Variants in DPH6 observed in about 807,000 individuals in gnomAD.
DPH6 encodes the protein diphthamine biosynthesis 6.
Under a neutral mutation model 38.2 loss-of-function variants are expected in DPH6, and 33 were observed. That is an observed-to-expected ratio of 0.86 (90% confidence interval 0.65 to 1.15). DPH6 has a LOEUF of 1.15. Among genes scored for constraint, DPH6 ranks in the 50% most tolerant of loss-of-function variants. The pLI, the probability that DPH6 is intolerant of heterozygous loss-of-function variation, is 0.00. For missense variants in DPH6, 325 were observed against 320.0 expected, an observed-to-expected ratio of 1.02 and a Z score of -0.12; for synonymous variants, 108 against 103.0, an observed-to-expected ratio of 1.05 and a Z score of -0.30.
intron 5 of DPH6, among the ~76,000 whole-genome samples, chr15:35,424,481 T>C (rs1023958709): frequency 1.3e-5 from 2 of 151,526 alleles, no homozygotes; most frequent in Non-Finnish European, 3.0e-5. Context: ...CTTTTCAATA[T>C]GTATGATATT....
At chr15:35,290,735 C>T (rs2051974726) in intron 3 of DPH6, among the ~76,000 whole-genome samples, 1 of 152,066 alleles carries the variant, frequency 6.6e-6, no homozygotes, top group South Asian at 2.1e-4. Flanking sequence ...CTTAAAGCAT[C>T]CGCCCTTTGT....
At position 35,240,756 on chromosome 15, in the gene DPH6, T is replaced by C. The variant is rs1380534461; in HGVS notation, n.201-20174A>G. On this transcript the variant is annotated intron_variant and non_coding_transcript_variant, in intron 3 of 3. Transcript: ENST00000560386. ...GCAGCCCTGAGACGCTTTACAGCCC[T>C]AGACCCTAAAAGGTCAAAAGGCCGT... Among the ~76,000 whole-genome samples the C allele has an allele frequency of 2.8e-5, 4 of 144,056 alleles. 1 individual carries two copies. In the South Asian group the frequency reaches 7.2e-4, roughly 26 times the overall value. The allele number at this position is 144,056 out of a possible 152,430, so 94.5% of individuals were successfully genotyped here.
intron 6 of DPH6, 134 bp downstream of exon 6, chr15:35,410,701 A>T (rs2053354571): frequency 4.3e-6 from 3 of 691,300 alleles, no homozygotes; most frequent in East Asian, 3.4e-5. Context: ...TTGAAGTTTA[A>T]TTTTTTCATA....
At chr15:35,442,006 C>T (rs1232045211) in intron 5 of DPH6, among the ~76,000 whole-genome samples, 1 of 151,714 alleles carries the variant, frequency 6.6e-6, no homozygotes, top group Non-Finnish European at 1.5e-5. Context: ...ATCAAAAGAA[C>T]ATGTAATCAA....
intron 1 of DPH6, among the ~76,000 whole-genome samples, chr15:35,542,941 A>C (rs1458094471): frequency 5.8e-5 from 1 of 17,164 alleles, no homozygotes; most frequent in African/African-American, 1.9e-4. Context: ...TATTCCACTT[A>C]AGGAATATAT....
chr15:35,400,823 T>C (rs2053207408), intron 6 of DPH6: 2 of 765,940 alleles, frequency 2.6e-6, no homozygotes, highest in African/African-American at 3.4e-5. Context: ...GACTGTGTGA[T>C]AATGAGAGAT....
the DPH6 span, among the ~76,000 whole-genome samples, chr15:35,198,813 T>G: frequency 2.0e-5 from 3 of 152,210 alleles, no homozygotes; most frequent in Non-Finnish European, 4.4e-5. Context: ...TTACTATAAG[T>G]ACAGCCAGGA....
At chr15:35,384,773 A>T (rs2052924578) in intron 6 of DPH6, among the ~76,000 whole-genome samples, 1 of 152,212 alleles carries the variant, frequency 6.6e-6, no homozygotes, top group South Asian at 2.1e-4. Context: ...TACAAATGGG[A>T]TCTAATTAAA....
downstream of DPH6, among the ~76,000 whole-genome samples, chr15:35,328,651 G>C (rs544939401): frequency 6.6e-6 from 1 of 152,280 alleles, no homozygotes; most frequent in African/African-American, 2.4e-5. Context: ...TAAAACTAAA[G>C]AAGAATCCTT....
the DPH6 span, among the ~76,000 whole-genome samples, chr15:35,173,522 T>TA: frequency 1.3e-5 from 2 of 150,346 alleles, no homozygotes; most frequent in Non-Finnish European, 2.9e-5. Flanking sequence ...ACACTTCAGC[T>TA]AGAGTAATCT....
intron 5 of DPH6, among the ~76,000 whole-genome samples, chr15:35,442,173 A>G (rs1479480278): frequency 1.3e-5 from 2 of 152,196 alleles, no homozygotes; most frequent in Non-Finnish European, 2.9e-5. Flanking sequence ...TATTAAAGAA[A>G]ACCTACAATG....
At chr15:35,246,145 C>G (rs1174807568) in intron 3 of DPH6, among the ~76,000 whole-genome samples, 2 of 152,192 alleles carry the variant, frequency 1.3e-5, no homozygotes, top group Non-Finnish European at 2.9e-5. Flanking sequence ...CCACCCCTAT[C>G]TCCCTTTGCT....
At chr15:35,444,580 G>A (rs907737830) in intron 5 of DPH6, among the ~76,000 whole-genome samples, 3 of 152,146 alleles carry the variant, frequency 2.0e-5, no homozygotes, top group Admixed American at 2.0e-4. Flanking sequence ...TACTAGAACT[G>A]CTGGCAATGA....
chr15:35,385,113 A>G (rs1472929871), intron 6 of DPH6, among the ~76,000 whole-genome samples: 1 of 152,226 alleles, frequency 6.6e-6, no homozygotes, highest in Non-Finnish European at 1.5e-5. Flanking sequence ...ACAAGTCAGG[A>G]AACAACAGAT....
At chr15:35,279,066 A>ATATATATATATATATATAT (rs3028680) in intron 3 of DPH6, among the ~76,000 whole-genome samples, 2 of 98,004 alleles carry the variant, frequency 2.0e-5, no homozygotes, top group African/African-American at 1.0e-4. Flanking sequence ...AAAAAAAAAA[A>ATATATATATATATATATAT]AAATATATAT....
At chr15:35,387,712 A>C (rs1342880928) in intron 6 of DPH6, among the ~76,000 whole-genome samples, 1 of 152,110 alleles carries the variant, frequency 6.6e-6, no homozygotes, top group Non-Finnish European at 1.5e-5. Flanking sequence ...GACTTTGCTG[A>C]AGTTGCTTAT....
chr15:35,466,636 C>T (rs2054129743), intron 3 of DPH6, among the ~76,000 whole-genome samples: 1 of 152,116 alleles, frequency 6.6e-6, no homozygotes, highest in South Asian at 2.1e-4. Flanking sequence ...GGCATACATT[C>T]TAAGGAATGA....
the DPH6 span, among the ~76,000 whole-genome samples, chr15:35,174,173 T>C: frequency 6.6e-6 from 1 of 152,214 alleles, no homozygotes; most frequent in African/African-American, 2.4e-5. Flanking sequence ...ACTCAGGGAA[T>C]GAATAAATTG....
intron 3 of DPH6, among the ~76,000 whole-genome samples, chr15:35,245,139 T>A (rs1307480429): frequency 6.6e-6 from 1 of 150,828 alleles, no homozygotes; most frequent in Non-Finnish European, 1.5e-5. Flanking sequence ...AATCTATCAA[T>A]CATTCATGAT....
Sources: allele counts gnomAD v4.1 joint callset (sites outside exome capture counted in the v4.1 genomes callset), GRCh38; gene constraint gnomAD v4.1.1; transcripts MANE v1.5; gene names NCBI Gene and HGNC (gene_info 2026-07-23, HGNC 2026-07-21).